SLC10A7: variants seen among roughly 807,000 people sequenced by gnomAD.
SLC10A7 encodes sodium/bile acid cotransporter 7.
In SLC10A7, 29 loss-of-function variants were observed where a neutral mutation model predicts 43.2. That is an observed-to-expected ratio of 0.67 (90% CI 0.50 to 0.92). The LOEUF is 0.92. Among genes scored for constraint, SLC10A7 ranks in the 40% least tolerant of loss-of-function variants. SLC10A7 has a pLI of 0.00. For missense variants in SLC10A7, 295 were observed against 403.2 expected, an observed-to-expected ratio of 0.73 and a Z score of 2.30; for synonymous variants, 152 against 144.8, an observed-to-expected ratio of 1.05 and a Z score of -0.35.
chr4:146,474,589 A>T (rs1012823146), intron 4 of SLC10A7, among the ~76,000 whole-genome samples: 4 of 152,180 alleles, frequency 2.6e-5, no homozygotes, highest in African/African-American at 9.6e-5. Flanking sequence ...ATTTTATCTT[A>T]AATAGCAACT....
At chr4:146,286,167 A>C (rs1729913806) in intron 9 of SLC10A7, among the ~76,000 whole-genome samples, 1 of 151,778 alleles carries the variant, frequency 6.6e-6, no homozygotes, top group South Asian at 2.1e-4. Flanking sequence ...TGGAGTGGTG[A>C]GAAGGACGGA....
At chr4:146,277,875 A>C (rs956642067) in intron 10 of SLC10A7, among the ~76,000 whole-genome samples, 6 of 152,128 alleles carry the variant, frequency 3.9e-5, no homozygotes, top group African/African-American at 1.4e-4. Context: ...AATGTAAGAA[A>C]TGAGTATCAG....
At chr4:146,465,872 G>T (rs1161015259) in intron 4 of SLC10A7, among the ~76,000 whole-genome samples, 1 of 152,086 alleles carries the variant, frequency 6.6e-6, no homozygotes, top group Non-Finnish European at 1.5e-5. Context: ...AAATGAGAAG[G>T]TTACTCAAAC....
intron 5 of SLC10A7, among the ~76,000 whole-genome samples, chr4:146,407,369 A>G (rs1255723546): frequency 6.6e-6 from 1 of 152,216 alleles, no homozygotes; most frequent in African/African-American, 2.4e-5. Flanking sequence ...CTTGTATCCC[A>G]TTGTTGCTCT....
intron 5 of SLC10A7, among the ~76,000 whole-genome samples, chr4:146,432,782 G>C (rs997469440): frequency 6.6e-6 from 1 of 152,142 alleles, no homozygotes; most frequent in Non-Finnish European, 1.5e-5. Flanking sequence ...GCTCATGCCT[G>C]TAATCCCAGA....
At chr4:146,362,694 C>A (rs1043133742) in intron 5 of SLC10A7, among the ~76,000 whole-genome samples, 2 of 150,204 alleles carry the variant, frequency 1.3e-5, no homozygotes, top group African/African-American at 4.9e-5. Context: ...GATATAGAGA[C>A]AACAAAAAGT....
At chr4:146,508,391 T>G (rs1031404579) in intron 3 of SLC10A7, among the ~76,000 whole-genome samples, 2 of 152,258 alleles carry the variant, frequency 1.3e-5, no homozygotes, top group Admixed American at 6.5e-5. Context: ...GTTCTTGATA[T>G]GCATAATACA....
intron 7 of SLC10A7, among the ~76,000 whole-genome samples, chr4:146,296,022 G>C (rs1730760622): frequency 1.3e-5 from 2 of 152,212 alleles, no homozygotes; most frequent in South Asian, 2.1e-4. Flanking sequence ...AGACAAATCT[G>C]TAATAATTAA....
At chr4:146,309,585 A>G (rs1377120932) in intron 6 of SLC10A7, among the ~76,000 whole-genome samples, 1 of 152,124 alleles carries the variant, frequency 6.6e-6, no homozygotes, top group Non-Finnish European at 1.5e-5. Flanking sequence ...GGTGTGCTCA[A>G]TGAATGTGTG....
chr4:146,289,908 A>G (rs1730300102), intron 9 of SLC10A7, among the ~76,000 whole-genome samples: 2 of 149,314 alleles, frequency 1.3e-5, no homozygotes, highest in African/African-American at 2.4e-5. Flanking sequence ...TAGAGATGGG[A>G]TTTCGCCATG....
chr4:146,407,784 G>A (rs1015211822), intron 5 of SLC10A7, among the ~76,000 whole-genome samples: 4 of 152,040 alleles, frequency 2.6e-5, no homozygotes, highest in African/African-American at 9.7e-5. Flanking sequence ...AGTCTAGTTA[G>A]TCTAAACCAG....
intron 2 of SLC10A7, 135 bp downstream of exon 2, chr4:146,516,903 G>T (rs116094707): frequency 3.1e-6 from 2 of 634,922 alleles, no homozygotes; most frequent in East Asian, 5.6e-5. Flanking sequence ...GTCCTTTGCC[G>T]ACCAAGTTAT....
chr4:146,310,414 G>T (rs1731887941), intron 6 of SLC10A7, among the ~76,000 whole-genome samples: 1 of 152,160 alleles, frequency 6.6e-6, no homozygotes, highest in African/African-American at 2.4e-5. Flanking sequence ...CACAGACACT[G>T]AAGTAATTTA....
Position 146,286,417 on chromosome 4 carries a change from TGTTTGG to T in SLC10A7, c.774-3158_774-3153del, listed in dbSNP as rs1729949344. Among the ~76,000 whole-genome samples, 12 of 96,822 alleles carry T rather than the reference TGTTTGG, an allele frequency of 1.2e-4. No individual in the cohort carries two copies. In the South Asian group the frequency reaches 1.4e-3, roughly 11 times the overall value. The allele number at this position is 96,822 out of a possible 152,430, so 63.5% of individuals were successfully genotyped here. On this transcript the variant is annotated intron_variant, in intron 9 of 11. Transcript: ENST00000335472. ...GTGTTTGGAGTGGTGAGAAGGACTG[TGTTTGG>T]AGTGGTGAGAAGGACTCTGGAGTGG...
intron 5 of SLC10A7, among the ~76,000 whole-genome samples, chr4:146,428,297 T>C (rs544112108): frequency 6.6e-6 from 1 of 152,218 alleles, no homozygotes; most frequent in African/African-American, 2.4e-5. Flanking sequence ...TGGAGATAGA[T>C]AGCACTCTCC....
intron 7 of SLC10A7, among the ~76,000 whole-genome samples, chr4:146,304,201 A>G (rs971234607): frequency 4.6e-5 from 7 of 150,912 alleles, no homozygotes; most frequent in Non-Finnish European, 1.0e-4. Context: ...ATATTCTAAG[A>G]TAAACTTTAA....
At chr4:146,298,659 A>G (rs1381783182) in intron 7 of SLC10A7, among the ~76,000 whole-genome samples, 1 of 152,214 alleles carries the variant, frequency 6.6e-6, no homozygotes, top group Non-Finnish European at 1.5e-5. Context: ...AATGCACAAA[A>G]TAAGTATTTG....
chr4:146,286,036 G>A (rs1009393235), intron 9 of SLC10A7, among the ~76,000 whole-genome samples: 1 of 148,636 alleles, frequency 6.7e-6, no homozygotes, highest in African/African-American at 2.5e-5. Context: ...GAGAAGGACT[G>A]TGTTTGGAGT....
At chr4:146,353,133 C>A (rs1208472540) in intron 5 of SLC10A7, among the ~76,000 whole-genome samples, 2 of 142,858 alleles carry the variant, frequency 1.4e-5, no homozygotes, top group South Asian at 2.4e-4. Flanking sequence ...AATTGATAGA[C>A]CGCTAGCAAG....
Sources: allele counts gnomAD v4.1 joint callset (sites outside exome capture counted in the v4.1 genomes callset), GRCh38; gene constraint gnomAD v4.1.1; transcripts MANE v1.5; gene names NCBI Gene and HGNC (gene_info 2026-07-23, HGNC 2026-07-21).